GABRB1: variants seen among roughly 807,000 people sequenced by gnomAD.
GABRB1 encodes the protein gamma-aminobutyric acid type A receptor subunit beta1, also known as gamma-aminobutyric acid receptor subunit beta-1.
Under a neutral mutation model 51.6 loss-of-function variants are expected in GABRB1, and 17 were observed. The ratio of observed to expected loss-of-function variants is 0.33; its 90% CI spans 0.23 to 0.49. GABRB1 has a LOEUF of 0.49. Ranked by LOEUF, GABRB1 falls within the 20% of genes least tolerant of loss-of-function variation. GABRB1 has a pLI of 0.99. For synonymous variants in GABRB1, 247 were observed against 218.9 expected (o/e 1.13, Z -1.14); for missense variants, 410 against 600.6 (o/e 0.68, Z 3.32).
intron 4 of GABRB1, among the ~76,000 whole-genome samples, chr4:47,181,494 T>C (rs13131816): frequency 0.69 from 104,812 of 151,874 alleles, 36,937 homozygotes; most frequent in Middle Eastern, 0.86. Flanking sequence ...ACAAAGAATG[T>C]AGACACTGGA....
At chr4:47,154,865 A>G (rs1202386664) in intron 3 of GABRB1, among the ~76,000 whole-genome samples, 2 of 152,020 alleles carry the variant, frequency 1.3e-5, no homozygotes, top group Non-Finnish European at 2.9e-5. Flanking sequence ...TCTACAGGCT[A>G]GCTTCCTCTT....
In GABRB1 at chr4:47,091,562, A is replaced by G. The variant is rs193054303; in HGVS notation, c.240+59078A>G. Among the ~76,000 whole-genome samples, 10 of 152,198 alleles carry G rather than the reference A, an allele frequency of 6.6e-5. No individual in the cohort carries two copies. In the East Asian group the frequency reaches 1.7e-3, roughly 27 times the overall value. ...GGCTCAGTGAATGTCACAATTGTCC[A>G]TTCATTCTGTTCCTCCAGCTAGAAG... is the stretch of plus-strand genomic sequence containing the variant. On this transcript the variant is annotated intron_variant, in intron 3 of 8. Transcript: ENST00000295454.
chr4:47,200,245 G>A (rs1172931119), intron 4 of GABRB1, among the ~76,000 whole-genome samples: 3 of 152,150 alleles, frequency 2.0e-5, no homozygotes, highest in African/African-American at 7.2e-5. Flanking sequence ...AACAGGATAA[G>A]GTACATGGGG....
chr4:47,134,396 C>A (rs1208754332), intron 3 of GABRB1, among the ~76,000 whole-genome samples: 1 of 151,848 alleles, frequency 6.6e-6, no homozygotes, highest in Non-Finnish European at 1.5e-5. Context: ...TTAGAGAAAA[C>A]ACAAGAAAAA....
At chr4:47,305,374 A>G (rs926494470) in intron 4 of GABRB1, among the ~76,000 whole-genome samples, 1 of 152,030 alleles carries the variant, frequency 6.6e-6, no homozygotes, top group Non-Finnish European at 1.5e-5. Context: ...CCATGAATAT[A>G]TTTTTCAAGC....
intron 3 of GABRB1, among the ~76,000 whole-genome samples, chr4:47,069,529 C>T (rs1461467478): frequency 1.3e-5 from 2 of 152,150 alleles, no homozygotes; most frequent in African/African-American, 4.8e-5. Context: ...GTTTGACTCT[C>T]ACCTAATTTT....
intron 3 of GABRB1, among the ~76,000 whole-genome samples, chr4:47,140,141 C>A (rs999379379): frequency 7.2e-6 from 1 of 138,284 alleles, no homozygotes; most frequent in Non-Finnish European, 1.6e-5. Flanking sequence ...CACACACACA[C>A]AAGATTCCAA....
At chr4:47,032,260 C>T (rs1441272942) in intron 2 of GABRB1, among the ~76,000 whole-genome samples, 157 bp from the exon 3 acceptor site, 2 of 152,070 alleles carry the variant, frequency 1.3e-5, no homozygotes, top group African/African-American at 2.4e-5. Context: ...CGCGTGTGCC[C>T]ACACCTGTTT....
intron 3 of GABRB1, among the ~76,000 whole-genome samples, chr4:47,148,757 A>T (rs755312455): frequency 1.3e-5 from 2 of 151,718 alleles, no homozygotes; most frequent in African/African-American, 2.4e-5. Context: ...CACACAGAGG[A>T]CATCATGGCA....
At chr4:47,313,539 C>T (rs544999891) in intron 4 of GABRB1, among the ~76,000 whole-genome samples, 16 of 152,180 alleles carry the variant, frequency 1.1e-4, no homozygotes, top group African/African-American at 3.9e-4. Context: ...CTCATTGTTG[C>T]TTCTCACCCA....
chr4:47,350,218 T>TAGAGAG (rs59905765), intron 5 of GABRB1, among the ~76,000 whole-genome samples: 1,070 of 56,558 alleles, frequency 0.019, 28 homozygotes, highest in East Asian at 0.028. Flanking sequence ...TATATATATA[T>TAGAGAG]AGAGAGAGAG....
chr4:47,174,181 C>T (rs142526854), intron 4 of GABRB1, among the ~76,000 whole-genome samples: 56 of 152,260 alleles, frequency 3.7e-4, no homozygotes, highest in African/African-American at 1.2e-3. Context: ...ATGCCTGCCT[C>T]AGCCTTCCAA....
At chr4:47,065,010 T>C (rs1012521812) in intron 3 of GABRB1, among the ~76,000 whole-genome samples, 9 of 152,194 alleles carry the variant, frequency 5.9e-5, no homozygotes, top group African/African-American at 2.2e-4. Context: ...AGAGAAAGGA[T>C]ATTTAATTGG....
intron 5 of GABRB1, among the ~76,000 whole-genome samples, chr4:47,347,018 A>G (rs1726123203): frequency 6.6e-6 from 1 of 151,792 alleles, no homozygotes; most frequent in Non-Finnish European, 1.5e-5. Flanking sequence ...CCGGTGACTC[A>G]CTCCTGTAAT....
intron 1 of GABRB1, among the ~76,000 whole-genome samples, chr4:47,004,785 C>T (rs1724336456): frequency 6.6e-6 from 1 of 152,144 alleles, no homozygotes; most frequent in African/African-American, 2.4e-5. Flanking sequence ...TTTATTCTGT[C>T]AATGTGTATT....
Position 47,403,473 on chromosome 4 carries a change from A to G in GABRB1, c.682+18A>G. The G allele has an allele frequency of 1.2e-6, 2 of 1,613,756 alleles. No individual in the cohort carries two copies. Among genetic ancestry groups the G allele is most frequent in the African/African-American group, 1.3e-5 (1 of 75,052 alleles). ...CACAACAGGTGAGGTTGTTTCCCCC[A>G]AAATGTACTAGGGGTGCTGTGAAAG... On this transcript the variant is annotated intron_variant, in intron 6 of 8. Coordinates refer to ENST00000295454, the MANE Select transcript of GABRB1 (RefSeq NM_000812.4).
intron 4 of GABRB1, among the ~76,000 whole-genome samples, chr4:47,247,446 G>A (rs1721809100): frequency 6.6e-6 from 1 of 152,116 alleles, no homozygotes. Flanking sequence ...TTTGAAATCA[G>A]GTAGTGTGAT....
intron 4 of GABRB1, among the ~76,000 whole-genome samples, chr4:47,178,728 T>A (rs1162096524): frequency 1.3e-5 from 2 of 152,154 alleles, no homozygotes; most frequent in Non-Finnish European, 2.9e-5. Flanking sequence ...GCCTTCTTTC[T>A]TTCTTTTATC....
At chr4:47,225,619 T>C (rs1578014968) in intron 4 of GABRB1, among the ~76,000 whole-genome samples, 1 of 152,286 alleles carries the variant, frequency 6.6e-6, no homozygotes, top group East Asian at 1.9e-4. Flanking sequence ...GATCATTCTA[T>C]GCTTATTCTA....
Sources: gnomAD v4.1 joint callset for allele counts (sites outside exome capture counted in the v4.1 genomes callset) on GRCh38, gnomAD v4.1.1 for gene constraint, MANE v1.5 for transcripts, NCBI Gene and HGNC (gene_info 2026-07-23, HGNC 2026-07-21) for gene names.